PLCXD3: variants seen among roughly 807,000 people sequenced by gnomAD.
PLCXD3 encodes PI-PLC X domain-containing protein 3.
A neutral mutation model predicts 25.5 loss-of-function variants in PLCXD3; 19 were observed. The observed-to-expected ratio is 0.75, with a 90% CI of 0.52 to 1.09. The LOEUF is 1.09. Among genes scored for constraint, PLCXD3 ranks in the 50% least tolerant of loss-of-function variants. The pLI is 0.00. For missense variants in PLCXD3, 411 were observed against 388.1 expected (o/e 1.06, Z -0.50); for synonymous variants, 174 against 137.6 (o/e 1.26, Z -1.85).
intron 1 of PLCXD3, among the ~76,000 whole-genome samples, chr5:41,465,221 A>T (rs1747985392): frequency 6.6e-6 from 1 of 151,954 alleles, no homozygotes. Flanking sequence ...GCATGTAAAG[A>T]CATCTGTGTA....
chr5:41,452,178 C>T (rs965654882), intron 1 of PLCXD3, among the ~76,000 whole-genome samples: 10 of 152,012 alleles, frequency 6.6e-5, no homozygotes, highest in East Asian at 5.8e-4. Context: ...ATGTTGTCTG[C>T]TCTTAAATTG....
At chr5:41,446,900 A>G (rs970127332) in intron 1 of PLCXD3, among the ~76,000 whole-genome samples, 8 of 152,250 alleles carry the variant, frequency 5.3e-5, no homozygotes, top group African/African-American at 1.9e-4. Flanking sequence ...TTCTAGACAA[A>G]TGCTAAATTA....
intron 1 of PLCXD3, among the ~76,000 whole-genome samples, chr5:41,463,396 A>G (rs1256521784): frequency 6.6e-6 from 1 of 152,002 alleles, no homozygotes; most frequent in African/African-American, 2.4e-5. Context: ...CTCTATTATA[A>G]GAACACTAAT....
At chr5:41,447,300 T>C (rs1395134525) in intron 1 of PLCXD3, among the ~76,000 whole-genome samples, 2 of 152,034 alleles carry the variant, frequency 1.3e-5, no homozygotes, top group African/African-American at 4.8e-5. Context: ...AAAGACTCAG[T>C]GGTAATTGAA....
Position 41,382,352 on chromosome 5 carries a change from C to G in PLCXD3, c.286G>C (p.Asp96His), listed in dbSNP as rs774656951. 6.2e-7 allele frequency: 1 copy of G among 1,613,440 alleles called. No individual in the cohort carries two copies. The highest frequency in any genetic ancestry group is 1.1e-5 in the South Asian group (1 of 91,040). The change falls in exon 2 of 3, where the codon GAT becomes CAT. Residue 96 changes from aspartate (D) to histidine (H), a missense_variant. Coordinates refer to ENST00000377801, the MANE Select transcript of PLCXD3 (RefSeq NM_001005473.3). ...CTGGGCTTGGTGGAAATTCGAAGAT[C>G]AAAATAACGAATTCCAGCTCCTAGC... ...GQLGAGIRYF[D>H]LRISTKPRDP...
intron 1 of PLCXD3, among the ~76,000 whole-genome samples, chr5:41,412,144 C>G (rs1426401398): frequency 1.3e-5 from 2 of 151,978 alleles, no homozygotes; most frequent in African/African-American, 4.8e-5. Context: ...ACTGTTTAGA[C>G]TGGATTCAAA....
intron 2 of PLCXD3, among the ~76,000 whole-genome samples, chr5:41,363,392 C>A (rs943216587): frequency 6.6e-6 from 1 of 152,072 alleles, no homozygotes; most frequent in Non-Finnish European, 1.5e-5. Flanking sequence ...TTTAAAAAGA[C>A]TTTCTCCAAG....
intron 1 of PLCXD3, among the ~76,000 whole-genome samples, chr5:41,489,347 T>A (rs959362906): frequency 5.3e-5 from 8 of 152,178 alleles, no homozygotes; most frequent in Non-Finnish European, 1.0e-4. Context: ...GTAGTATAGC[T>A]TGAAGTCAGG....
intron 1 of PLCXD3, among the ~76,000 whole-genome samples, chr5:41,427,438 AT>A (rs1305213530): frequency 1.3e-5 from 2 of 151,988 alleles, no homozygotes; most frequent in Admixed American, 6.6e-5. Flanking sequence ...TATTTTTAGT[AT>A]TTTCTTTATC....
Position 41,312,769 on chromosome 5 carries a change from A to C in PLCXD3, c.*848T>G, listed in dbSNP as rs1743173598. 7.0e-6 allele frequency: 1 copy of C among 143,754 alleles called. No individual in the cohort carries two copies. The highest frequency in any genetic ancestry group is 1.5e-5 in the Non-Finnish European group (1 of 66,688). The allele number at this position is 143,754 out of a possible 1,614,324, so 8.9% of individuals were successfully genotyped here. ...TTCTTTCATCAAGAGCATCATTAAG[A>C]GGGCTTTTTAAAGAGTTATTTTCAG... On this transcript the variant is annotated 3_prime_UTR_variant, in exon 3 of 3. Transcript: ENST00000377801.
chr5:41,402,963 G>T lies in PLCXD3; in HGVS notation c.104-20429C>A, dbSNP rs1366642463. 2.6e-5 allele frequency among the ~76,000 whole-genome samples: 4 copies of T among 152,056 alleles called. No individual in the cohort carries two copies. The East Asian group carries it at 5.8e-4, about 22-fold the overall frequency. On this transcript the variant is annotated intron_variant, in intron 1 of 2. Coordinates refer to ENST00000377801, the MANE Select transcript of PLCXD3 (RefSeq NM_001005473.3). ...TTTTATATCCAGTCTGACAATGTCTGCTTTTGAATTCAATTGTAATCCATT... is the reference window on the plus strand; with the variant it reads ...TTTTATATCCAGTCTGACAATGTCTTCTTTTGAATTCAATTGTAATCCATT...
intron 1 of PLCXD3, among the ~76,000 whole-genome samples, chr5:41,405,302 T>C (rs4380707): frequency 0.86 from 130,225 of 152,064 alleles, 56,081 homozygotes; most frequent in Middle Eastern, 0.88. Flanking sequence ...AGCTTACCCT[T>C]TTGTCTTGCC....
intron 1 of PLCXD3, among the ~76,000 whole-genome samples, chr5:41,470,192 A>G (rs962388521): frequency 1.3e-5 from 2 of 152,198 alleles, no homozygotes. Flanking sequence ...TTAAAAAACC[A>G]TAAGAATTAT....
intron 1 of PLCXD3, among the ~76,000 whole-genome samples, chr5:41,453,575 C>T (rs1747686318): frequency 6.6e-6 from 1 of 151,882 alleles, no homozygotes; most frequent in African/African-American, 2.4e-5. Flanking sequence ...ATCTTTACCT[C>T]ATCGGTAAAA....
intron 1 of PLCXD3, chr5:41,456,582 C>T: frequency 1.1e-6 from 1 of 914,392 alleles, no homozygotes; most frequent in Non-Finnish European, 1.3e-6. Context: ...ATGTTTGTGT[C>T]CCCCCTGACA....
chr5:41,490,443 G>A (rs1748636834), intron 1 of PLCXD3, among the ~76,000 whole-genome samples: 1 of 152,078 alleles, frequency 6.6e-6, no homozygotes, highest in Non-Finnish European at 1.5e-5. Context: ...GATGATGCTG[G>A]CCTCATAAAA....
At chr5:41,483,627 A>G (rs1748459376) in intron 1 of PLCXD3, among the ~76,000 whole-genome samples, 1 of 152,156 alleles carries the variant, frequency 6.6e-6, no homozygotes, top group South Asian at 2.1e-4. Context: ...CTGTGGATGA[A>G]TGACAGTGAT....
intron 2 of PLCXD3, among the ~76,000 whole-genome samples, chr5:41,316,691 C>T (rs1444543963): frequency 6.6e-6 from 1 of 152,008 alleles, no homozygotes; most frequent in Non-Finnish European, 1.5e-5. Flanking sequence ...AGATCTTGGA[C>T]CTTAAGGGAA....
At chr5:41,428,088 C>T (rs946844975) in intron 1 of PLCXD3, among the ~76,000 whole-genome samples, 2 of 152,078 alleles carry the variant, frequency 1.3e-5, no homozygotes, top group Non-Finnish European at 2.9e-5. Flanking sequence ...CCTGGGAAGG[C>T]ATTAAAACCT....
Sources: allele counts gnomAD v4.1 joint callset (sites outside exome capture counted in the v4.1 genomes callset), GRCh38; gene constraint gnomAD v4.1.1; transcripts MANE v1.5; gene names NCBI Gene and HGNC (gene_info 2026-07-23, HGNC 2026-07-21).